The following RGL1 variants were observed in gnomAD, a reference collection of about 807,000 sequenced individuals.
RGL1 encodes ral guanine nucleotide dissociation stimulator-like 1.
In RGL1, 24 loss-of-function variants were observed where a neutral mutation model predicts 95.2. The ratio of observed to expected loss-of-function variants is 0.25; its 90% CI spans 0.18 to 0.35. RGL1 has a LOEUF of 0.35. Ranked by LOEUF, RGL1 falls within the 10% of genes least tolerant of loss-of-function variation. The probability of loss-of-function intolerance (pLI) is 1.00; values close to 1 mark genes in which losing one functional copy is unlikely to be tolerated. For missense variants in RGL1, 715 were observed against 936.3 expected (o/e 0.76, Z 3.08); for synonymous variants, 329 against 344.9 (o/e 0.95, Z 0.51).
intron 2 of RGL1, among the ~76,000 whole-genome samples, chr1:183,777,531 A>G (rs925357686): frequency 1.3e-5 from 2 of 152,218 alleles, no homozygotes; most frequent in Non-Finnish European, 2.9e-5. Context: ...CGATTACACA[A>G]GGTTTCATAA....
At chr1:183,764,548 A>G (rs1317220767) in intron 2 of RGL1, among the ~76,000 whole-genome samples, 2 of 152,150 alleles carry the variant, frequency 1.3e-5, no homozygotes, top group Non-Finnish European at 2.9e-5. Flanking sequence ...TGAGAGGGTC[A>G]ATTTCTATAT....
intron 3 of RGL1, among the ~76,000 whole-genome samples, chr1:183,862,289 A>G (rs1283324124): frequency 6.6e-6 from 1 of 152,178 alleles, no homozygotes; most frequent in Non-Finnish European, 1.5e-5. Flanking sequence ...TCAAACCTAG[A>G]AGGACAAGGC....
intron 14 of RGL1, among the ~76,000 whole-genome samples, chr1:183,909,798 C>T (rs552120203): frequency 1.5e-4 from 23 of 152,158 alleles, no homozygotes; most frequent in African/African-American, 3.1e-4. Context: ...CCTTGCATGC[C>T]GTTCCTTCTT....
intron 13 of RGL1, among the ~76,000 whole-genome samples, chr1:183,906,427 G>T (rs1668322728): frequency 6.6e-6 from 1 of 151,960 alleles, no homozygotes; most frequent in Non-Finnish European, 1.5e-5. Flanking sequence ...AAAAGTATTT[G>T]TAGGCCACCC....
chr1:183,802,505 T>C (rs1489658980), upstream of RGL1, among the ~76,000 whole-genome samples: 1 of 148,798 alleles, frequency 6.7e-6, no homozygotes, highest in Non-Finnish European at 1.5e-5. Context: ...GGGATTGCAT[T>C]GAATATGCAG....
At chr1:183,675,394 T>A (rs966695182) in intron 1 of RGL1, among the ~76,000 whole-genome samples, 7 of 124,512 alleles carry the variant, frequency 5.6e-5, no homozygotes, top group African/African-American at 2.1e-4. Flanking sequence ...CCTTCCTACC[T>A]ACCAACCTAC....
chr1:183,654,791 AG>A (rs956817599), intron 1 of RGL1, among the ~76,000 whole-genome samples: 21 of 152,248 alleles, frequency 1.4e-4, no homozygotes, highest in Admixed American at 1.3e-3. Context: ...ATTGCATTTT[AG>A]GGTGATTTTA....
upstream of RGL1, among the ~76,000 whole-genome samples, chr1:183,801,996 G>A (rs1048265809): frequency 6.6e-6 from 1 of 152,170 alleles, no homozygotes; most frequent in African/African-American, 2.4e-5. Flanking sequence ...TTCAACATAA[G>A]ATTATGAGGG....
chr1:183,904,760 TG>T, intron 12 of RGL1, 89 bp from the exon 13 acceptor site: 1 of 1,306,090 alleles, frequency 7.7e-7, no homozygotes, highest in Non-Finnish European at 1.1e-6. Context: ...TATCCTAATG[TG>T]GTATATTTTC....
intron 3 of RGL1, among the ~76,000 whole-genome samples, chr1:183,861,051 A>T (rs1665485611): frequency 6.6e-6 from 1 of 152,154 alleles, no homozygotes; most frequent in Non-Finnish European, 1.5e-5. Context: ...ACTTAATTTA[A>T]GCCTTCTGGG....
intron 3 of RGL1, among the ~76,000 whole-genome samples, chr1:183,864,625 T>G (rs995058710): frequency 1.3e-5 from 2 of 152,250 alleles, no homozygotes; most frequent in Non-Finnish European, 2.9e-5. Flanking sequence ...TCTGAGTTCT[T>G]ATCTCAGGAA....
intron 1 of RGL1, among the ~76,000 whole-genome samples, chr1:183,661,310 G>C (rs1321071070): frequency 2.6e-5 from 4 of 152,144 alleles, no homozygotes. Context: ...TAGACCGCTA[G>C]CAAGACTAGT....
intron 1 of RGL1, among the ~76,000 whole-genome samples, chr1:183,727,946 T>C (rs1656405878): frequency 6.6e-6 from 1 of 152,210 alleles, no homozygotes; most frequent in African/African-American, 2.4e-5. Context: ...CTTTTGGGTA[T>C]GTCTATGAAA....
chr1:183,891,978 A>C lies in RGL1; in HGVS notation c.1056-99A>C. 4.8e-6 allele frequency: 4 copies of C among 829,090 alleles called. No individual in the cohort carries two copies. In the South Asian group the frequency reaches 6.3e-5, roughly 13 times the overall value. 51.4% of individuals were successfully genotyped at this position (829,090 alleles called of 1,614,324 possible). On this transcript the variant is annotated intron_variant, in intron 8 of 17. Transcript: ENST00000360851. ...TACCCACCAACCCTGAGATCAGCAC[A>C]GTCCCTCCTTAGACATGAGTCCTGA...
intron 2 of RGL1, among the ~76,000 whole-genome samples, chr1:183,784,725 G>C (rs1316472062): frequency 6.6e-6 from 1 of 152,116 alleles, no homozygotes; most frequent in Non-Finnish European, 1.5e-5. Context: ...TTATTTAGTG[G>C]GCAAAAGGAG....
rs1475399368 is a variant in RGL1, at chr1:183,805,607, G to A, written c.27+283G>A. On this transcript the variant is annotated intron_variant, in intron 1 of 17. Transcript: ENST00000360851. ...AAAGAACTGTTAGTGTGGGTGAACCGCGGAGCGCTTCTGCGTCCCAGCGGC... is the reference window on the plus strand; with the variant it reads ...AAAGAACTGTTAGTGTGGGTGAACCACGGAGCGCTTCTGCGTCCCAGCGGC... Among the ~76,000 whole-genome samples the A allele has an allele frequency of 2.0e-5, 3 of 152,342 alleles. No homozygotes were observed. The East Asian group carries it at 5.8e-4, about 29-fold the overall frequency.
At chr1:183,643,974 T>TG (rs1650118796) in intron 1 of RGL1, among the ~76,000 whole-genome samples, 1 of 151,774 alleles carries the variant, frequency 6.6e-6, no homozygotes, top group African/African-American at 2.4e-5. Context: ...GACAGGGGAG[T>TG]GGGGGAGGGC....
intron 1 of RGL1, among the ~76,000 whole-genome samples, chr1:183,705,578 G>C (rs1654862664): frequency 1.3e-5 from 2 of 152,192 alleles, no homozygotes; most frequent in African/African-American, 2.4e-5. Flanking sequence ...TGAAAGGTGG[G>C]TGTCGGGGTT....
At chr1:183,852,115 C>G (rs867347880) in intron 3 of RGL1, among the ~76,000 whole-genome samples, 14 of 152,142 alleles carry the variant, frequency 9.2e-5, no homozygotes, top group African/African-American at 3.1e-4. Flanking sequence ...AGATTGAAGA[C>G]AGATACTGCA....
Sources: allele counts gnomAD v4.1 joint callset (sites outside exome capture counted in the v4.1 genomes callset), GRCh38; gene constraint gnomAD v4.1.1; transcripts MANE v1.5; gene names NCBI Gene and HGNC (gene_info 2026-07-23, HGNC 2026-07-21).